NFS1: variants seen among roughly 807,000 people sequenced by gnomAD.
NFS1 encodes cysteine desulfurase.
A neutral mutation model predicts 57.3 loss-of-function variants in NFS1; 26 were observed. The ratio of observed to expected loss-of-function variants is 0.45; its 90% CI spans 0.33 to 0.63. NFS1 has a LOEUF of 0.63. Ranked by LOEUF, NFS1 falls within the 20% of genes least tolerant of loss-of-function variation. The pLI is 0.02. For missense variants in NFS1, 505 were observed against 605.8 expected (o/e 0.83, Z 1.75); for synonymous variants, 209 against 216.3 (o/e 0.97, Z 0.30).
intron 7 of NFS1, 109 bp from the exon 8 acceptor site, chr20:35,675,311 A>G: frequency 8.5e-7 from 1 of 1,182,450 alleles, no homozygotes; most frequent in Non-Finnish European, 1.2e-6. Context: ...TGTAAGCATG[A>G]AATTTTTCTA....
At position 35,690,574 on chromosome 20, in the gene NFS1, T is replaced by C. The variant is rs1260473339; in HGVS notation, c.409-9A>G. 6.2e-7 allele frequency: 1 copy of C among 1,613,562 alleles called. No individual in the cohort carries two copies. On this transcript the variant is annotated splice_polypyrimidine_tract_variant and intron_variant, in intron 4 of 12. Transcript: ENST00000374092. The stretch of plus-strand genomic sequence containing the variant: ...TAGAATCGGGCCACCCCCTAGAAAT[T>C]GGTGGTGACAGATGGAAGGAGAACA...
chr20:35,678,212 G>A (rs976586500), intron 7 of NFS1, among the ~76,000 whole-genome samples: 2 of 151,592 alleles, frequency 1.3e-5, no homozygotes, highest in Non-Finnish European at 2.9e-5. Context: ...AAAATTAGCC[G>A]GGCGTGGTGG....
At chr20:35,687,313 T>C (rs554544984) in intron 5 of NFS1, among the ~76,000 whole-genome samples, 1 of 152,354 alleles carries the variant, frequency 6.6e-6, no homozygotes, top group Admixed American at 6.5e-5. Flanking sequence ...TGTTCCATCC[T>C]GTACACCTGG....
At chr20:35,673,027 C>T (rs1236397731) in intron 11 of NFS1, among the ~76,000 whole-genome samples, 183 bp from the exon 12 acceptor site, 2 of 152,130 alleles carry the variant, frequency 1.3e-5, no homozygotes, top group African/African-American at 4.8e-5. Flanking sequence ...GTGGCTCACG[C>T]CTGTAATTCC....
At chr20:35,672,688 G>A (rs753128283) in intron 12 of NFS1, 67 bp downstream of exon 12, 3 of 1,125,126 alleles carry the variant, frequency 2.7e-6, no homozygotes, top group Non-Finnish European at 4.0e-6. Flanking sequence ...TAAACACATA[G>A]CCTAAGGACA....
chr20:35,693,659 T>A (rs1281540413), intron 4 of NFS1, among the ~76,000 whole-genome samples: 1 of 151,792 alleles, frequency 6.6e-6, no homozygotes, highest in Admixed American at 6.6e-5. Context: ...GAGAGCCGCA[T>A]CTCTACAAAA....
chr20:35,681,827 T>C lies in NFS1; in HGVS notation c.655+61A>G, dbSNP rs117148387. The C allele has an allele frequency of 2.4e-3, 2,216 of 921,202 alleles. 5 individuals carry two copies. Among genetic ancestry groups the C allele is most frequent in the Non-Finnish European group, 3.6e-3 (1,992 of 555,492 alleles). 57.1% of individuals were successfully genotyped at this position (921,202 alleles called of 1,614,324 possible). ...CTCCATAGAGTATTACAGCTCTCAG[T>C]ATACTACCTCATACAGAGCCCCATG... On this transcript the variant is annotated intron_variant, in intron 6 of 12. Transcript: ENST00000374092.
At chr20:35,698,453 G>A (rs1253487560) in intron 2 of NFS1, 28 bp downstream of exon 2, 1 of 1,507,540 alleles carries the variant, frequency 6.6e-7, no homozygotes. Context: ...CTTCCTATAA[G>A]CAGCCTTGGG....
At chr20:35,679,577 T>G (rs1429766769) in intron 7 of NFS1, among the ~76,000 whole-genome samples, 1 of 152,182 alleles carries the variant, frequency 6.6e-6, no homozygotes, top group African/African-American at 2.4e-5. Flanking sequence ...TCAAAAAGAC[T>G]TATCTACAAT....
At chr20:35,669,854 T>A (rs1249676504) in intron 12 of NFS1, among the ~76,000 whole-genome samples, 169 bp from the exon 13 acceptor site, 1 of 152,186 alleles carries the variant, frequency 6.6e-6, no homozygotes, top group Non-Finnish European at 1.5e-5. Context: ...GCTCTCCAGC[T>A]CCCTGTAAGT....
chr20:35,673,665 G>A lies in NFS1; in HGVS notation c.1156C>T (p.Leu386=). 6.2e-7 allele frequency: 1 copy of A among 1,613,858 alleles called. No homozygotes were observed. The highest frequency in any genetic ancestry group is 8.5e-7 in the Non-Finnish European group (1 of 1,179,868). The change falls in exon 11 of 13, where the codon CTG becomes TTG. Residue 386 remains leucine, a synonymous_variant. Transcript: ENST00000374092. ...SSGSACTSAS[L]EPSYVLRAIG... ...GCTCTAAGCACATAAGAGGGCTCCA[G>A]GGATGCAGAGGTGCAGGCACTGAGG... is the stretch of plus-strand genomic sequence containing the variant.
At chr20:35,673,757 T>C in intron 10 of NFS1, 73 bp from the exon 11 acceptor site, 1 of 1,256,492 alleles carries the variant, frequency 8.0e-7, no homozygotes, top group South Asian at 1.2e-5. Flanking sequence ...CTCAGTCTTG[T>C]TCCCATCCCC....
At chr20:35,686,718 A>G (rs1408777780) in intron 5 of NFS1, among the ~76,000 whole-genome samples, 2 of 152,162 alleles carry the variant, frequency 1.3e-5, no homozygotes, top group African/African-American at 4.8e-5. Context: ...GGTTGTTGCT[A>G]AAGGTGTGGG....
chr20:35,675,458 G>A (rs2034724320), intron 7 of NFS1: 1 of 533,546 alleles, frequency 1.9e-6, no homozygotes, highest in African/African-American at 1.9e-5. Context: ...TATATGAAAT[G>A]CCATCATACA....
intron 1 of NFS1, 185 bp from the exon 2 acceptor site, chr20:35,698,775 G>A (rs2035188551): frequency 7.1e-7 from 1 of 1,400,084 alleles, no homozygotes; most frequent in African/African-American, 1.5e-5. Flanking sequence ...GTAAGGGAGA[G>A]GGAGAGAGGG....
rs531078005 is a variant in NFS1 at position 35,697,844 on chromosome 20, A to G, written c.208-44T>C. On this transcript the variant is annotated intron_variant, in intron 2 of 12. Transcript: ENST00000374092. ...ATCATTTTCCTTGAGCGCATCGTCA[A>G]TTCAGGTCCCACTCCACCCCTCAGA... The G allele has an allele frequency of 1.0e-4, 144 of 1,376,978 alleles. 4 individuals are homozygous for G. In the South Asian group the frequency reaches 1.3e-3, roughly 12 times the overall value. The allele number at this position is 1,376,978 out of a possible 1,614,324, so 85.3% of individuals were successfully genotyped here. A position where few individuals can be genotyped will look rare whatever the true frequency, so the allele number is the denominator to read the frequency against.
chr20:35,685,119 TC>T (rs1220309273), intron 5 of NFS1, among the ~76,000 whole-genome samples: 10 of 151,628 alleles, frequency 6.6e-5, no homozygotes, highest in Non-Finnish European at 1.0e-4. Flanking sequence ...ACTCCTGACT[TC>T]AGGTGATCCA....
chr20:35,685,839 C>G (rs971102021), intron 5 of NFS1, among the ~76,000 whole-genome samples: 1 of 106,996 alleles, frequency 9.3e-6, no homozygotes, highest in African/African-American at 3.7e-5. Context: ...GCCTGGGCAA[C>G]AAGAGCGAAA....
intron 7 of NFS1, among the ~76,000 whole-genome samples, chr20:35,680,234 G>T (rs2034825465): frequency 1.3e-5 from 2 of 152,160 alleles, no homozygotes; most frequent in South Asian, 4.1e-4. Flanking sequence ...GAACCAGGGA[G>T]GTGGAGCTTG....
Sources: allele counts gnomAD v4.1 joint callset (sites outside exome capture counted in the v4.1 genomes callset), GRCh38; gene constraint gnomAD v4.1.1; transcripts MANE v1.5; gene names NCBI Gene and HGNC (gene_info 2026-07-23, HGNC 2026-07-21).